The following RBM27 variants were observed in gnomAD, a reference collection of about 807,000 sequenced individuals.
RBM27 encodes the protein RNA binding motif protein 27.
Under a neutral mutation model 135.3 loss-of-function variants are expected in RBM27, and 22 were observed. That is an observed-to-expected ratio of 0.16 (90% CI 0.12 to 0.23). The LOEUF (loss-of-function observed/expected upper bound fraction) is 0.23. Among genes scored for constraint, RBM27 ranks in the 10% least tolerant of loss-of-function variants. The pLI is 1.00. For missense variants in RBM27, 1,009 were observed against 1,281.0 expected, an observed-to-expected ratio of 0.79 and a Z score of 3.24; for synonymous variants, 481 against 442.4, an observed-to-expected ratio of 1.09 and a Z score of -1.10.
intron 3 of RBM27, among the ~76,000 whole-genome samples, chr5:146,226,263 A>G (rs1346235974): frequency 6.6e-6 from 1 of 152,098 alleles, no homozygotes; most frequent in Non-Finnish European, 1.5e-5. Context: ...TGTTTTTTAT[A>G]AGTTAAAATT....
At chr5:146,217,059 C>T (rs1238299520) in intron 1 of RBM27, among the ~76,000 whole-genome samples, 6 of 151,892 alleles carry the variant, frequency 4.0e-5, no homozygotes, top group South Asian at 2.1e-4. Context: ...CTCTGCCTCC[C>T]GGGTTCAAGC....
rs185876313 is a variant in RBM27, at chr5:146,233,886, A to G, written c.1144+143A>G. On this transcript the variant is annotated intron_variant, in intron 7 of 20. Coordinates refer to ENST00000265271, the MANE Select transcript of RBM27 (RefSeq NM_018989.2). ...AATATATTCCCATAATTAAGATGCTATTCTTTTCTTTTTTTCATCCGTTAT... is the reference window on the plus strand; with the variant it reads ...AATATATTCCCATAATTAAGATGCTGTTCTTTTCTTTTTTTCATCCGTTAT... 66 of 563,000 alleles carry G rather than the reference A, an allele frequency of 1.2e-4. No homozygotes were observed. The Middle Eastern group carries it at 2.1e-3, about 18-fold the overall frequency. The allele number at this position is 563,000 out of a possible 1,614,324, so 34.9% of individuals were successfully genotyped here. A position where few individuals can be genotyped will look rare whatever the true frequency, so the allele number is the denominator to read the frequency against.
chr5:146,269,737 A>G (rs1486845345), intron 17 of RBM27, among the ~76,000 whole-genome samples, 153 bp downstream of exon 17: 1 of 146,456 alleles, frequency 6.8e-6, no homozygotes, highest in Non-Finnish European at 1.5e-5. Context: ...TCCTAATTAT[A>G]GTACCTTTTT....
In RBM27 at chr5:146,270,890, A is replaced by G. The variant is rs1758833088; in HGVS notation, c.2692-64A>G. 4 of 991,554 alleles carry G rather than the reference A, an allele frequency of 4.0e-6. No homozygotes were observed. The East Asian group carries it at 1.0e-4, about 26-fold the overall frequency. 61.4% of individuals were successfully genotyped at this position (991,554 alleles called of 1,614,324 possible). On this transcript the variant is annotated intron_variant, in intron 17 of 20. Coordinates refer to ENST00000265271, the MANE Select transcript of RBM27 (RefSeq NM_018989.2). ...ACATGTGTGTCATTGTGTAACTATC[A>G]TGTTCTGGAGGAGATCTTGTAAGTT...
chr5:146,263,740 G>A, intron 14 of RBM27, 109 bp downstream of exon 14: 3 of 1,283,352 alleles, frequency 2.3e-6, no homozygotes, highest in Non-Finnish European at 3.2e-6. Context: ...TAACCTAAGT[G>A]TGGCAGGTAT....
chr5:146,273,501 C>G (rs1758955594), intron 19 of RBM27, among the ~76,000 whole-genome samples: 1 of 151,338 alleles, frequency 6.6e-6, no homozygotes. Flanking sequence ...TTGGATGGCT[C>G]TTTTTTTTTC....
intron 1 of RBM27, among the ~76,000 whole-genome samples, chr5:146,215,176 A>G (rs1399482534): frequency 1.3e-5 from 2 of 152,060 alleles, no homozygotes; most frequent in South Asian, 2.1e-4. Flanking sequence ...CAGCCACCCA[A>G]GTAGCTGGGA....
chr5:146,227,662 C>T (rs1048878991), intron 3 of RBM27, among the ~76,000 whole-genome samples: 3 of 152,096 alleles, frequency 2.0e-5, no homozygotes, highest in Non-Finnish European at 2.9e-5. Flanking sequence ...TACTGGTTCT[C>T]CAGGAGGCAG....
rs528599035 is a variant in RBM27 at position 146,278,727 on chromosome 5, T to A, written c.2989-5895T>A. Among the ~76,000 whole-genome samples, 37 of 144,390 alleles carry A rather than the reference T, an allele frequency of 2.6e-4. No individual in the cohort carries two copies. In the South Asian group the frequency reaches 6.2e-3, roughly 24 times the overall value. 94.7% of individuals were successfully genotyped at this position (144,390 alleles called of 152,430 possible). On this transcript the variant is annotated intron_variant, in intron 19 of 20. Transcript: ENST00000265271. ...TGATGGACATCCAATTTTTTCCCAATTTTTTTTTTTTTTTGAGACGGAGTC... is the reference window on the plus strand; with the variant it reads ...TGATGGACATCCAATTTTTTCCCAAATTTTTTTTTTTTTTGAGACGGAGTC...
intron 1 of RBM27, among the ~76,000 whole-genome samples, chr5:146,205,571 G>A (rs925285476): frequency 1.3e-5 from 2 of 149,802 alleles, no homozygotes; most frequent in African/African-American, 4.8e-5. Flanking sequence ...GAAGAATATA[G>A]GTCTCTTGAA....
chr5:146,206,506 A>G (rs1755670138), intron 1 of RBM27, among the ~76,000 whole-genome samples: 1 of 150,650 alleles, frequency 6.6e-6, no homozygotes, highest in Non-Finnish European at 1.5e-5. Context: ...TTCAACTTAA[A>G]GTTCACATGC....
chr5:146,272,456 G>A (rs1428563640), intron 19 of RBM27, among the ~76,000 whole-genome samples: 12 of 152,146 alleles, frequency 7.9e-5, no homozygotes, highest in African/African-American at 2.7e-4. Flanking sequence ...AATGGCTCAT[G>A]TCTGTAATCC....
intron 3 of RBM27, 69 bp downstream of exon 3, chr5:146,223,596 G>A (rs1756548215): frequency 4.0e-6 from 6 of 1,506,098 alleles, no homozygotes; most frequent in Non-Finnish European, 5.3e-6. Flanking sequence ...TTAGTTGGAA[G>A]TTGAGCCTTT....
chr5:146,236,953 T>C (rs1191007551), intron 7 of RBM27, among the ~76,000 whole-genome samples: 4 of 147,986 alleles, frequency 2.7e-5, no homozygotes, highest in African/African-American at 9.9e-5. Context: ...TTTTTTTTTT[T>C]TCGAGACAGA....
At position 146,238,337 on chromosome 5, in the gene RBM27, C is replaced by T. The variant is rs559544911; in HGVS notation, c.1279+905C>T. ...CATCCTGACCAACATGGAGAAAACC[C>T]GTCTCTACTAAAAATGCAAAATTAG... On this transcript the variant is annotated intron_variant, in intron 8 of 20. Coordinates refer to ENST00000265271, the MANE Select transcript of RBM27 (RefSeq NM_018989.2). 2.5e-3 allele frequency among the ~76,000 whole-genome samples: 380 copies of T among 152,120 alleles called. 4 individuals carry two copies. The highest frequency in any genetic ancestry group is 8.8e-3 in the African/African-American group (367 of 41,486).
intron 1 of RBM27, among the ~76,000 whole-genome samples, chr5:146,214,287 C>A (rs1756098142): frequency 6.6e-6 from 1 of 152,086 alleles, no homozygotes; most frequent in African/African-American, 2.4e-5. Context: ...AGTCATGGAT[C>A]CCAAATTTTA....
At position 146,203,756 on chromosome 5, in the gene RBM27, T is replaced by C. The variant is rs568477021; in HGVS notation, c.-10T>C. The C allele has an allele frequency of 1.1e-5, 17 of 1,550,656 alleles. 1 individual carries two copies. In the South Asian group the frequency reaches 2.0e-4, roughly 18 times the overall value. ...AGAAGAGCGGCGGCCGAGCCCGCCT[T>C]CCCTGCACCATGCTCATAGAGGATG... On this transcript the variant is annotated 5_prime_UTR_variant, in exon 1 of 21. Transcript: ENST00000265271.
chr5:146,267,706 C>T lies in RBM27; in HGVS notation c.2389C>T (p.Pro797Ser). The T allele has an allele frequency of 5.0e-6, 8 of 1,606,982 alleles. No individual in the cohort carries two copies. Among genetic ancestry groups the T allele is most frequent in the East Asian group, 2.2e-5 (1 of 44,626 alleles). ...TTACAGCTCCTCAAACTTAAAGACA[C>T]CTTCAAAGCTCTGTTCAGGGTCTAA... ...MIYSSSNLKT[P>S]SKLCSGSKSH... The change falls in exon 15 of 21, where the codon CCT (proline) becomes TCT (serine). Residue 797 changes from proline to serine, a missense_variant. Coordinates refer to ENST00000265271, the MANE Select transcript of RBM27 (RefSeq NM_018989.2).
Position 146,287,735 on chromosome 5 carries a change from T to C in RBM27, c.*1705T>C, listed in dbSNP as rs771749154. ...AACCAGGGTCATTTTTAAGTTCATA[T>C]AATTTTCTTTCATAATAATGAGGAC... is the stretch of plus-strand genomic sequence containing the variant. On this transcript the variant is annotated 3_prime_UTR_variant, in exon 21 of 21. Coordinates refer to ENST00000265271, the MANE Select transcript of RBM27 (RefSeq NM_018989.2). 7.9e-5 allele frequency: 12 copies of C among 152,192 alleles called. No homozygotes were observed. Among genetic ancestry groups the C allele is most frequent in the Admixed American group, 2.0e-4 (3 of 15,274 alleles). 9.4% of individuals were successfully genotyped at this position (152,192 alleles called of 1,614,324 possible). A position where few individuals can be genotyped will look rare whatever the true frequency, so the allele number is the denominator to read the frequency against.
Sources: allele counts gnomAD v4.1 joint callset (sites outside exome capture counted in the v4.1 genomes callset), GRCh38; gene constraint gnomAD v4.1.1; transcripts MANE v1.5; gene names NCBI Gene and HGNC (gene_info 2026-07-23, HGNC 2026-07-21).